The following TNRC18 variants were observed in gnomAD, a reference collection of about 807,000 sequenced individuals.
TNRC18 encodes trinucleotide repeat containing 18.
In TNRC18, 69 loss-of-function variants were observed where a neutral mutation model predicts 226.7. The ratio of observed to expected loss-of-function variants is 0.30; its 90% CI spans 0.25 to 0.37. The LOEUF is 0.37. Among genes scored for constraint, TNRC18 ranks in the 10% least tolerant of loss-of-function variants. TNRC18 has a pLI of 1.00. For synonymous variants in TNRC18, 2,449 were observed against 1,927.6 expected, an observed-to-expected ratio of 1.27 and a Z score of -7.09; for missense variants, 4,754 against 4,256.6, an observed-to-expected ratio of 1.12 and a Z score of -3.25.
At chr7:5,371,857 A>T (rs1794187460) in intron 10 of TNRC18, among the ~76,000 whole-genome samples, 3 of 152,204 alleles carry the variant, frequency 2.0e-5, no homozygotes, top group Admixed American at 1.3e-4. Context: ...GATCGCTTAA[A>T]TTCAGAAGTT....
chr7:5,397,144 G>C (rs777052678), intron 2 of TNRC18, among the ~76,000 whole-genome samples: 1 of 151,942 alleles, frequency 6.6e-6, no homozygotes, highest in African/African-American at 2.4e-5. Context: ...CCAAGCCCTC[G>C]GGCCCCGGGG....
chr7:5,340,261 T>C (rs1055761738), intron 18 of TNRC18, among the ~76,000 whole-genome samples: 1 of 152,196 alleles, frequency 6.6e-6, no homozygotes, highest in Admixed American at 6.5e-5. Flanking sequence ...ATTGCTGACA[T>C]AGAGAAAGTT....
At chr7:5,354,679 G>A (rs921677663) in intron 16 of TNRC18, among the ~76,000 whole-genome samples, 11 of 152,070 alleles carry the variant, frequency 7.2e-5, no homozygotes, top group African/African-American at 2.7e-4. Flanking sequence ...TGAGCCAGCT[G>A]CTTAACTCAC....
chr7:5,405,793 G>A (rs1027943503), intron 2 of TNRC18, among the ~76,000 whole-genome samples: 1 of 152,166 alleles, frequency 6.6e-6, no homozygotes, highest in African/African-American at 2.4e-5. Context: ...CCCAGGCACA[G>A]TGGCTCATGC....
chr7:5,314,507 T>TTCC (rs1787639409), intron 26 of TNRC18, among the ~76,000 whole-genome samples: 1 of 151,938 alleles, frequency 6.6e-6, no homozygotes, highest in Non-Finnish European at 1.5e-5. Context: ...CAGCCTCAGT[T>TTCC]TCCTCATCTG....
At chr7:5,418,309 G>A (rs926999790) in intron 2 of TNRC18, among the ~76,000 whole-genome samples, 4 of 152,258 alleles carry the variant, frequency 2.6e-5, no homozygotes, top group East Asian at 1.9e-4. Context: ...ACCCTTCCCT[G>A]ATCCCAAACC....
rs2128118777 is a variant in TNRC18 at position 5,324,814 on chromosome 7, C to G, written c.6300+282G>C. On this transcript the variant is annotated intron_variant, in intron 20 of 29. Transcript: ENST00000430969. The surrounding 1 kb of genome is among the most constrained non-coding windows in gnomAD (Gnocchi z 4.8). ...CCAAGCCTGAGGGCCCTGTGAGGACCTGGTGCTGGGCTGGGGGCCTGTCAC... is the reference window on the plus strand; with the variant it reads ...CCAAGCCTGAGGGCCCTGTGAGGACGTGGTGCTGGGCTGGGGGCCTGTCAC... 6.6e-6 allele frequency among the ~76,000 whole-genome samples: 1 copy of G among 152,308 alleles called. No homozygotes were observed. The highest frequency in any genetic ancestry group is 1.9e-4 in the East Asian group (1 of 5,178).
intron 2 of TNRC18, among the ~76,000 whole-genome samples, chr7:5,405,840 G>T (rs757064335): frequency 3.3e-5 from 5 of 152,188 alleles, no homozygotes; most frequent in Non-Finnish European, 5.9e-5. Context: ...AAGGCAGGAG[G>T]ATCACTTGAG....
At chr7:5,371,564 C>G (rs1443343567) in intron 10 of TNRC18, among the ~76,000 whole-genome samples, 200 bp from the exon 11 acceptor site, 1 of 152,206 alleles carries the variant, frequency 6.6e-6, no homozygotes, top group Non-Finnish European at 1.5e-5. Flanking sequence ...AACCAGCCAC[C>G]TTCTTGTCCC....
At chr7:5,417,564 G>A (rs1246451696) in intron 2 of TNRC18, among the ~76,000 whole-genome samples, 1 of 152,190 alleles carries the variant, frequency 6.6e-6, no homozygotes, top group South Asian at 2.1e-4. Context: ...TCCAATGAGG[G>A]CAGAGACTTC....
intron 18 of TNRC18, among the ~76,000 whole-genome samples, chr7:5,344,577 G>A (rs1337757135): frequency 6.6e-6 from 1 of 152,174 alleles, no homozygotes; most frequent in Non-Finnish European, 1.5e-5. Context: ...CAGAGGGCAT[G>A]AAGCCAGGGG....
rs1794158179 is a variant in TNRC18 at position 5,371,497 on chromosome 7, G to C, written c.3230-133C>G. 3 of 1,205,868 alleles carry C rather than the reference G, an allele frequency of 2.5e-6. No homozygotes were observed. In the South Asian group the frequency reaches 5.3e-5, roughly 21 times the overall value. The allele number at this position is 1,205,868 out of a possible 1,614,324, so 74.7% of individuals were successfully genotyped here. A position where few individuals can be genotyped will look rare whatever the true frequency, so the allele number is the denominator to read the frequency against. ...CTGCTCACCCAGCTACAGGGTGGGA[G>C]CTGTTCTAGGTGGGATCTCAGAAAC... On this transcript the variant is annotated intron_variant, in intron 10 of 29. Transcript: ENST00000430969.
At position 5,376,202 on chromosome 7, in the gene TNRC18, G is replaced by T. The variant is rs377015760; in HGVS notation, c.2631C>A (p.Thr877=). 2.0e-6 allele frequency: 3 copies of T among 1,518,870 alleles called. No homozygotes were observed. The highest frequency in any genetic ancestry group is 1.3e-5 in the South Asian group (1 of 78,306). The allele number at this position is 1,518,870 out of a possible 1,614,324, so 94.1% of individuals were successfully genotyped here. The part of the protein sequence containing the change: ...PHFAELMERA[T]VPPLWPALYP... ...ACAGGGCGGGCCAGAGGGGCGGTAC[G>T]GTGGCCCGCTCCATCAGCTCCGCTG... Residue 877 remains threonine, a synonymous_variant, in exon 9 of 30, where the codon ACC becomes ACA. Transcript: ENST00000430969.
intron 2 of TNRC18, among the ~76,000 whole-genome samples, chr7:5,399,921 A>G (rs1439478108): frequency 6.6e-6 from 1 of 151,774 alleles, no homozygotes; most frequent in Non-Finnish European, 1.5e-5. Context: ...AGGCGCCTAT[A>G]GTCCCAGCTA....
At chr7:5,352,190 G>A in intron 16 of TNRC18, 96 bp from the exon 17 acceptor site, 1 of 1,333,378 alleles carries the variant, frequency 7.5e-7, no homozygotes, top group Non-Finnish European at 1.0e-6. Flanking sequence ...CGTACTGGAA[G>A]GTGCCAGAAC....
chr7:5,361,526 G>C, intron 14 of TNRC18, 68 bp downstream of exon 14: 1 of 1,424,634 alleles, frequency 7.0e-7, no homozygotes, highest in South Asian at 1.5e-5. Flanking sequence ...GGCAGGCCCT[G>C]CGTGGGGCCC....
chr7:5,419,472 C>G (rs990805400), intron 2 of TNRC18, among the ~76,000 whole-genome samples: 1 of 152,244 alleles, frequency 6.6e-6, no homozygotes, highest in Admixed American at 6.5e-5. Context: ...CATGCACACA[C>G]ACACACATCA....
At chr7:5,401,976 C>T (rs1026336764) in intron 2 of TNRC18, among the ~76,000 whole-genome samples, 12 of 150,772 alleles carry the variant, frequency 8.0e-5, no homozygotes, top group Admixed American at 6.0e-4. Flanking sequence ...CAGATCAAGA[C>T]CATCCTGGCT....
intron 2 of TNRC18, chr7:5,420,468 G>A (rs1782491150): frequency 2.2e-6 from 1 of 452,308 alleles, no homozygotes; most frequent in African/African-American, 2.0e-5. Flanking sequence ...CAGGGCCGCC[G>A]TTCTCCCGGG....
Sources: allele counts gnomAD v4.1 joint callset (sites outside exome capture counted in the v4.1 genomes callset), GRCh38; gene constraint gnomAD v4.1.1; non-coding constraint Gnocchi (gnomAD v3.1); transcripts MANE v1.5; gene names NCBI Gene and HGNC (gene_info 2026-07-23, HGNC 2026-07-21).